The following LYPD6 variants were observed in gnomAD, a reference collection of about 807,000 sequenced individuals.
LYPD6 encodes ly6/PLAUR domain-containing protein 6.
A neutral mutation model predicts 22.7 loss-of-function variants in LYPD6; 15 were observed. That is an observed-to-expected ratio of 0.66 (90% CI 0.44 to 1.02). LYPD6 has a LOEUF of 1.02. LYPD6 is among the 50% of genes least tolerant of loss of function. LYPD6 has a pLI of 0.00. For synonymous variants in LYPD6, 72 were observed against 77.5 expected (o/e 0.93, Z 0.37); for missense variants, 189 against 208.4 (o/e 0.91, Z 0.57).
At chr2:149,411,799 T>C (rs1392466226) in intron 1 of LYPD6, among the ~76,000 whole-genome samples, 1 of 152,178 alleles carries the variant, frequency 6.6e-6, no homozygotes, top group Non-Finnish European at 1.5e-5. Flanking sequence ...CCCTTAGTGA[T>C]GGCTCTTTCC....
chr2:149,430,821 T>C (rs892154304), intron 1 of LYPD6, among the ~76,000 whole-genome samples: 2 of 152,236 alleles, frequency 1.3e-5, no homozygotes, highest in African/African-American at 4.8e-5. Flanking sequence ...TATCTCATTT[T>C]ATAGACTGTA....
chr2:149,349,945 GA>G (rs200905908), intron 1 of LYPD6, among the ~76,000 whole-genome samples: 27 of 151,072 alleles, frequency 1.8e-4, no homozygotes, highest in Middle Eastern at 6.8e-3. Context: ...CATTAAACCT[GA>G]AAAAAAAATA....
At chr2:149,479,084 A>G (rs574177464), downstream of LYPD6, among the ~76,000 whole-genome samples, 3 of 152,218 alleles carry the variant, frequency 2.0e-5, no homozygotes, top group South Asian at 4.1e-4. Flanking sequence ...CACTGAATTC[A>G]CTAATGAACG....
intron 1 of LYPD6, among the ~76,000 whole-genome samples, chr2:149,351,185 G>T (rs1377124404): frequency 6.6e-6 from 1 of 152,124 alleles, no homozygotes; most frequent in Non-Finnish European, 1.5e-5. Context: ...CTTGAAGCCA[G>T]AAGTTCGAGA....
intron 3 of LYPD6, among the ~76,000 whole-genome samples, chr2:149,466,945 C>G (rs1558818149): frequency 6.6e-6 from 1 of 152,048 alleles, no homozygotes; most frequent in Non-Finnish European, 1.5e-5. Flanking sequence ...CTATTGTGAC[C>G]ATAAACGTCC....
intron 1 of LYPD6, among the ~76,000 whole-genome samples, chr2:149,421,503 C>T (rs1295659578): frequency 2.0e-5 from 3 of 151,172 alleles, no homozygotes; most frequent in African/African-American, 4.9e-5. Context: ...GTGGGGATTA[C>T]AGAAAGCACC....
At chr2:149,384,998 C>T (rs907163649) in intron 1 of LYPD6, among the ~76,000 whole-genome samples, 7 of 150,218 alleles carry the variant, frequency 4.7e-5, no homozygotes, top group Non-Finnish European at 1.0e-4. Flanking sequence ...TTTGTCCTTG[C>T]GATAGTTTAC....
chr2:149,356,278 G>A (rs1356317432), intron 1 of LYPD6, among the ~76,000 whole-genome samples: 1 of 152,102 alleles, frequency 6.6e-6, no homozygotes, highest in African/African-American at 2.4e-5. Flanking sequence ...AAGCTCATTG[G>A]CCTATCTTGG....
intron 1 of LYPD6, among the ~76,000 whole-genome samples, chr2:149,389,968 T>G (rs987713812): frequency 6.6e-6 from 1 of 152,212 alleles, no homozygotes; most frequent in Admixed American, 6.5e-5. Flanking sequence ...CTCTTGACCT[T>G]TTAGCATACA....
At chr2:149,408,221 C>T (rs1446903391) in intron 1 of LYPD6, among the ~76,000 whole-genome samples, 1 of 152,154 alleles carries the variant, frequency 6.6e-6, no homozygotes, top group Non-Finnish European at 1.5e-5. Context: ...TGCCCGTTCT[C>T]AGATCTCCAG....
chr2:149,452,142 G>A (rs1016393700), intron 3 of LYPD6, among the ~76,000 whole-genome samples: 2 of 152,204 alleles, frequency 1.3e-5, no homozygotes, highest in Non-Finnish European at 1.5e-5. Context: ...CCCCAGGTGT[G>A]CTCAGTGGAT....
downstream of LYPD6, among the ~76,000 whole-genome samples, chr2:149,476,306 C>G (rs1681448419): frequency 6.6e-6 from 1 of 152,118 alleles, no homozygotes; most frequent in Non-Finnish European, 1.5e-5. Context: ...CTAATGGAAA[C>G]AGATTTTTCA....
At position 149,330,669 on chromosome 2, in the gene LYPD6, C is replaced by A. The variant is rs559202392; in HGVS notation, c.-125C>A. On this transcript the variant is annotated 5_prime_UTR_variant, in exon 1 of 5. Coordinates refer to ENST00000334166, the MANE Select transcript of LYPD6 (RefSeq NM_194317.5). Reference sequence around the variant, plus strand: ...CACACTCTGGGGGCGCCGCAGTGTTCGTGGGATGGGGCAGCGGGCTGCAGC... The same window carrying A: ...CACACTCTGGGGGCGCCGCAGTGTTAGTGGGATGGGGCAGCGGGCTGCAGC... The A allele has an allele frequency of 6.6e-6, 1 of 151,886 alleles. No homozygotes were observed. The highest frequency in any genetic ancestry group is 2.4e-5 in the African/African-American group (1 of 41,350). The allele number at this position is 151,886 out of a possible 1,614,324, so 9.4% of individuals were successfully genotyped here.
intron 1 of LYPD6, among the ~76,000 whole-genome samples, chr2:149,339,596 C>A (rs1219164514): frequency 6.6e-6 from 1 of 152,132 alleles, no homozygotes; most frequent in Admixed American, 6.5e-5. Flanking sequence ...AAGTCAAATT[C>A]TCATGCACAG....
intron 1 of LYPD6, among the ~76,000 whole-genome samples, chr2:149,400,497 T>C (rs1240427098): frequency 6.6e-6 from 1 of 152,222 alleles, no homozygotes; most frequent in Admixed American, 6.5e-5. Context: ...CGAACAAGTA[T>C]TGTTTAAACG....
chr2:149,451,644 T>C (rs1680819007), intron 3 of LYPD6, among the ~76,000 whole-genome samples: 2 of 152,118 alleles, frequency 1.3e-5, no homozygotes. Flanking sequence ...TCTTTTGAGG[T>C]CATAATCTAT....
intron 1 of LYPD6, among the ~76,000 whole-genome samples, chr2:149,411,904 T>A (rs1273688062): frequency 1.3e-5 from 2 of 152,192 alleles, no homozygotes; most frequent in East Asian, 3.8e-4. Flanking sequence ...TTTTTAAAAA[T>A]CACAAAAAGG....
chr2:149,470,795 G>T lies in LYPD6; in HGVS notation c.461G>T (p.Arg154Leu). Residue 154 changes from arginine (R) to leucine (L), a missense_variant, in exon 5 of 5, where the codon CGC (arginine) becomes CTC (leucine). Coordinates refer to ENST00000334166, the MANE Select transcript of LYPD6 (RefSeq NM_194317.5). The stretch of plus-strand genomic sequence containing the variant: ...ATAAATCAGACAAATGGGCACCCAC[G>T]CTGTATGTCAGTGATAGTGTCCTGC... ...SPINQTNGHP[R>L]CMSVIVSCLW... 1 of 1,613,650 alleles carries T rather than the reference G, an allele frequency of 6.2e-7. No homozygotes were observed. Among genetic ancestry groups the T allele is most frequent in the Non-Finnish European group, 8.5e-7 (1 of 1,179,774 alleles).
intron 1 of LYPD6, among the ~76,000 whole-genome samples, chr2:149,423,111 G>GC (rs1198189780): frequency 1.3e-5 from 2 of 152,160 alleles, no homozygotes; most frequent in Non-Finnish European, 2.9e-5. Flanking sequence ...ATAACCATCT[G>GC]CCCCCACAGG....
Sources: gnomAD v4.1 joint callset for allele counts (sites outside exome capture counted in the v4.1 genomes callset) on GRCh38, gnomAD v4.1.1 for gene constraint, MANE v1.5 for transcripts, NCBI Gene and HGNC (gene_info 2026-07-23, HGNC 2026-07-21) for gene names.